SH3BGR: variants seen among roughly 807,000 people sequenced by gnomAD.
SH3BGR encodes SH3 domain-binding glutamic acid-rich protein.
In SH3BGR, 29 loss-of-function variants were observed where a neutral mutation model predicts 24.5. The observed-to-expected ratio is 1.18, with a 90% CI of 0.88 to 1.61. The LOEUF is 1.61. Ranked by LOEUF, SH3BGR falls within the 40% of genes most tolerant of loss-of-function variation. The pLI is 0.00. For synonymous variants in SH3BGR, 55 were observed against 65.7 expected (o/e 0.84, Z 0.79); for missense variants, 162 against 205.8 (o/e 0.79, Z 1.30).
At chr21:39,459,607 A>G (rs1318552657) in intron 1 of SH3BGR, among the ~76,000 whole-genome samples, 1 of 151,902 alleles carries the variant, frequency 6.6e-6, no homozygotes, top group African/African-American at 2.4e-5. Context: ...ATCATAGCTC[A>G]TTGCAGCCTC....
chr21:39,459,039 T>G (rs552308521), intron 1 of SH3BGR, among the ~76,000 whole-genome samples: 8 of 144,614 alleles, frequency 5.5e-5, no homozygotes, highest in African/African-American at 2.0e-4. Context: ...AGTTCTGTGG[T>G]TTTTTTTTTT....
At chr21:39,461,826 T>C (rs1309760491) in intron 1 of SH3BGR, among the ~76,000 whole-genome samples, 1 of 152,116 alleles carries the variant, frequency 6.6e-6, no homozygotes, top group Non-Finnish European at 1.5e-5. Context: ...CAGTTGATTA[T>C]ACAATAATTA....
chr21:39,449,671 G>A (rs2077551813), upstream of SH3BGR, among the ~76,000 whole-genome samples: 1 of 152,164 alleles, frequency 6.6e-6, no homozygotes, highest in African/African-American at 2.4e-5. Flanking sequence ...TGAAAAGGGG[G>A]CACTAGGAAT....
At chr21:39,455,935 T>C (rs1465204836) in intron 1 of SH3BGR, among the ~76,000 whole-genome samples, 2 of 152,220 alleles carry the variant, frequency 1.3e-5, no homozygotes, top group Non-Finnish European at 2.9e-5. Context: ...CACAATGCCA[T>C]GCGTCCAACA....
intron 3 of SH3BGR, 76 bp from the exon 4 acceptor site, chr21:39,499,747 C>T: frequency 9.5e-7 from 1 of 1,054,744 alleles, no homozygotes; most frequent in Non-Finnish European, 1.4e-6. Context: ...ATAAGAAAGC[C>T]ACAGCATATG....
At chr21:39,466,609 A>G (rs543630051) in intron 2 of SH3BGR, among the ~76,000 whole-genome samples, 13 of 152,346 alleles carry the variant, frequency 8.5e-5, no homozygotes, top group African/African-American at 2.9e-4. Context: ...ATGGGAAGGA[A>G]GCATGCCCTT....
At chr21:39,477,196 T>G (rs941484256) in intron 3 of SH3BGR, among the ~76,000 whole-genome samples, 2 of 152,238 alleles carry the variant, frequency 1.3e-5, no homozygotes, top group Non-Finnish European at 2.9e-5. Flanking sequence ...TTACTTATTA[T>G]TGTGTCATAA....
chr21:39,446,043 T>A (rs1034982938), exon 1 of SH3BGR: 5 of 152,218 alleles, frequency 3.3e-5, no homozygotes, highest in African/African-American at 1.2e-4. Context: ...TCACGCGCTC[T>A]GGCGCTCTCC....
At chr21:39,500,131 C>T (rs942477135) in intron 4 of SH3BGR, among the ~76,000 whole-genome samples, 2 of 152,124 alleles carry the variant, frequency 1.3e-5, no homozygotes, top group Admixed American at 1.3e-4. Flanking sequence ...AGCCTGAACC[C>T]AGACCAGGAG....
rs1209119558 is a variant in SH3BGR, at chr21:39,511,140, G to A, written c.436-540G>A. Among the ~76,000 whole-genome samples the A allele has an allele frequency of 6.6e-6, 1 of 151,212 alleles. No homozygotes were observed. Among genetic ancestry groups the A allele is most frequent in the Non-Finnish European group, 1.5e-5 (1 of 67,746 alleles). ...TATGTATGTGTGGTATGTGTGGTGT[G>A]TTGTATGTGTGGTGTATGTGTATTT... On this transcript the variant is annotated intron_variant, in intron 5 of 6. Coordinates refer to ENST00000333634, the MANE Select transcript of SH3BGR (RefSeq NM_007341.3). The surrounding 1 kb of genome is among the most constrained non-coding windows in gnomAD (Gnocchi z 4.2).
At chr21:39,495,487 T>TG (rs200459014) in intron 3 of SH3BGR, among the ~76,000 whole-genome samples, 2,593 of 151,948 alleles carry the variant, frequency 0.017, 79 homozygotes, top group African/African-American at 0.06. Context: ...AGTCTCTTTT[T>TG]TTTTTTTTTT....
At chr21:39,496,587 A>T (rs2078401940) in intron 3 of SH3BGR, among the ~76,000 whole-genome samples, 1 of 152,036 alleles carries the variant, frequency 6.6e-6, no homozygotes, top group South Asian at 2.1e-4. Context: ...AATTCCAGTG[A>T]AATGCATTAG....
chr21:39,469,122 G>A (rs928659522), intron 2 of SH3BGR, among the ~76,000 whole-genome samples: 1 of 151,142 alleles, frequency 6.6e-6, no homozygotes, highest in African/African-American at 2.4e-5. Flanking sequence ...TTAAAGTCTA[G>A]TATAACATTT....
At chr21:39,481,836 G>T (rs1569162345) in intron 3 of SH3BGR, among the ~76,000 whole-genome samples, 2 of 152,094 alleles carry the variant, frequency 1.3e-5, no homozygotes, top group Admixed American at 6.5e-5. Flanking sequence ...TGTAATAATT[G>T]ATTACAGCAT....
chr21:39,466,111 G>A (rs1165643319), intron 2 of SH3BGR, among the ~76,000 whole-genome samples: 1 of 152,100 alleles, frequency 6.6e-6, no homozygotes, highest in Admixed American at 6.5e-5. Context: ...GTACATACGC[G>A]TCTCACATTT....
intron 3 of SH3BGR, among the ~76,000 whole-genome samples, chr21:39,490,274 A>T (rs1372592116): frequency 6.6e-6 from 1 of 152,248 alleles, no homozygotes; most frequent in African/African-American, 2.4e-5. Context: ...GGGAAAAAGC[A>T]TAAGAGAGAA....
At chr21:39,481,301 AAAAC>A (rs1179836677) in intron 3 of SH3BGR, among the ~76,000 whole-genome samples, 4 of 152,200 alleles carry the variant, frequency 2.6e-5, no homozygotes, top group Non-Finnish European at 4.4e-5. Flanking sequence ...CCTGTTCTCA[AAAAC>A]AAACAAAAAC....
intron 3 of SH3BGR, among the ~76,000 whole-genome samples, chr21:39,479,151 C>T (rs1326645157): frequency 6.6e-6 from 1 of 151,524 alleles, no homozygotes; most frequent in Non-Finnish European, 1.5e-5. Flanking sequence ...GAGAGGATTG[C>T]TTGTGCCTAG....
At chr21:39,479,229 G>GTGGTGGTGGTGA (rs1555912276) in intron 3 of SH3BGR, among the ~76,000 whole-genome samples, 1 of 142,126 alleles carries the variant, frequency 7.0e-6, no homozygotes, top group African/African-American at 2.6e-5. Context: ...GGTAAGGGTG[G>GTGGTGGTGGTGA]TGGTGGTGGT....
Sources: gnomAD v4.1 joint callset for allele counts (sites outside exome capture counted in the v4.1 genomes callset) on GRCh38, gnomAD v4.1.1 for gene constraint, Gnocchi (gnomAD v3.1) non-coding constraint, MANE v1.5 for transcripts, NCBI Gene and HGNC (gene_info 2026-07-23, HGNC 2026-07-21) for gene names.